Variants in RANBP2 observed in about 807,000 individuals in gnomAD.
RANBP2 encodes the protein RAN binding protein 2.
In RANBP2, 57 loss-of-function variants were observed where a neutral mutation model predicts 303.6. The ratio of observed to expected loss-of-function variants is 0.19; its 90% CI spans 0.15 to 0.23. The LOEUF (loss-of-function observed/expected upper bound fraction) is 0.23, where lower values mean the gene tolerates loss of function less well. Ranked by LOEUF, RANBP2 falls within the 10% of genes least tolerant of loss-of-function variation. The pLI, the probability that RANBP2 is intolerant of heterozygous loss-of-function variation, is 1.00. For missense variants in RANBP2, 3,138 were observed against 3,780.8 expected (o/e 0.83, Z 4.46); for synonymous variants, 1,167 against 1,301.5 (o/e 0.90, Z 2.23).
At chr2:108,750,112 C>T (rs181250680) in intron 9 of RANBP2, among the ~76,000 whole-genome samples, 191 of 152,354 alleles carry the variant, frequency 1.3e-3, no homozygotes, top group African/African-American at 4.5e-3. Context: ...CACTGCTGCA[C>T]GACAGCCTGG....
At chr2:109,542,388 G>C in the RANBP2 span, among the ~76,000 whole-genome samples, 7 of 152,186 alleles carry the variant, frequency 4.6e-5, no homozygotes, top group African/African-American at 1.7e-4. Flanking sequence ...GAGAGTCTCA[G>C]GCAGGTTTAT....
the RANBP2 span, among the ~76,000 whole-genome samples, chr2:109,078,096 A>ATATATATATAGCGTG: frequency 5.5e-5 from 3 of 54,652 alleles, no homozygotes; most frequent in African/African-American, 2.1e-4. Context: ...ATATATATAT[A>ATATATATATAGCGTG]TATATATATA....
the RANBP2 span, among the ~76,000 whole-genome samples, chr2:109,464,924 T>C: frequency 2.0e-5 from 3 of 152,238 alleles, no homozygotes; most frequent in Non-Finnish European, 4.4e-5. Flanking sequence ...TATAGTATCA[T>C]ACAGGATAGT....
the RANBP2 span, among the ~76,000 whole-genome samples, chr2:108,887,416 G>C: frequency 6.6e-6 from 1 of 152,080 alleles, no homozygotes; most frequent in African/African-American, 2.4e-5. Context: ...GAAAAGTGAT[G>C]TTGGTATTTT....
chr2:109,640,868 G>T, the RANBP2 span, among the ~76,000 whole-genome samples: 1 of 152,152 alleles, frequency 6.6e-6, no homozygotes, highest in Non-Finnish European at 1.5e-5. Context: ...CTGAGTGCCT[G>T]TCCACAACCC....
the RANBP2 span, among the ~76,000 whole-genome samples, chr2:109,671,442 T>A: frequency 6.6e-6 from 1 of 151,404 alleles, no homozygotes. Flanking sequence ...GAAGGGGGAG[T>A]AGGAGCTTCA....
the RANBP2 span, among the ~76,000 whole-genome samples, chr2:109,445,399 A>C: frequency 6.6e-6 from 1 of 152,254 alleles, no homozygotes; most frequent in African/African-American, 2.4e-5. Context: ...AACTTAAAGC[A>C]TCAAAGGATA....
the RANBP2 span, among the ~76,000 whole-genome samples, chr2:109,144,154 G>A: frequency 6.6e-6 from 1 of 152,294 alleles, no homozygotes; most frequent in African/African-American, 2.4e-5. Flanking sequence ...AACAATACTC[G>A]ATTATATACT....
chr2:108,787,365 C>G (rs867596680), downstream of RANBP2, among the ~76,000 whole-genome samples: 10 of 152,356 alleles, frequency 6.6e-5, no homozygotes, highest in African/African-American at 2.4e-4. Context: ...GTTCTCTCCC[C>G]TTCCCTCCCT....
At chr2:109,044,496 C>CT in the RANBP2 span, among the ~76,000 whole-genome samples, 2 of 151,912 alleles carry the variant, frequency 1.3e-5, no homozygotes, top group Non-Finnish European at 2.9e-5. Context: ...GCACTGCAGC[C>CT]TGGACGATAG....
At chr2:108,728,379 A>T (rs1026545362) in intron 1 of RANBP2, among the ~76,000 whole-genome samples, 1 of 152,094 alleles carries the variant, frequency 6.6e-6, no homozygotes, top group African/African-American at 2.4e-5. Flanking sequence ...CGGCAGTGTC[A>T]ACCTCCTGGG....
chr2:109,551,137 G>C, the RANBP2 span, among the ~76,000 whole-genome samples: 1 of 152,182 alleles, frequency 6.6e-6, no homozygotes, highest in African/African-American at 2.4e-5. Flanking sequence ...ACGATATTTG[G>C]AGACATCATT....
chr2:109,627,189 C>T, the RANBP2 span, among the ~76,000 whole-genome samples: 8,659 of 152,114 alleles, frequency 0.057, 690 homozygotes, highest in East Asian at 0.24. Flanking sequence ...AAAAACAAAA[C>T]AATTATTTGT....
At chr2:109,490,982 C>G in the RANBP2 span, 1 of 1,401,790 alleles carries the variant, frequency 7.1e-7, no homozygotes, top group East Asian at 2.6e-5. Flanking sequence ...GTGGTTTGGC[C>G]TCTGAGGTCT....
the RANBP2 span, among the ~76,000 whole-genome samples, chr2:109,136,315 A>G: frequency 6.6e-6 from 1 of 152,024 alleles, no homozygotes; most frequent in Non-Finnish European, 1.5e-5. Context: ...TTTTTATCAG[A>G]TTTGCCTTGC....
At chr2:109,570,439 T>C in the RANBP2 span, among the ~76,000 whole-genome samples, 1 of 152,220 alleles carries the variant, frequency 6.6e-6, no homozygotes, top group Admixed American at 6.5e-5. Flanking sequence ...AGGGGAAAAA[T>C]TTTTTTAATG....
chr2:108,781,487 C>T lies in RANBP2; in HGVS notation c.8760+58C>T, dbSNP rs1048568548. The T allele has an allele frequency of 7.2e-6, 11 of 1,537,674 alleles. No individual in the cohort carries two copies. In the Admixed American group the frequency reaches 1.0e-4, roughly 15 times the overall value. ...ACTTATTTTTCATTTTTAAGTTTTA[C>T]CCTGGCTTGATCTGTCAGGGTATAA... On this transcript the variant is annotated intron_variant, in intron 26 of 28. Coordinates refer to ENST00000283195, the MANE Select transcript of RANBP2 (RefSeq NM_006267.5).
chr2:109,218,500 TAGA>T, the RANBP2 span, among the ~76,000 whole-genome samples: 1 of 152,136 alleles, frequency 6.6e-6, no homozygotes, highest in Non-Finnish European at 1.5e-5. Context: ...TAGGCAGAAA[TAGA>T]AGAGCAGATG....
chr2:109,425,453 T>C, the RANBP2 span, among the ~76,000 whole-genome samples: 9 of 152,282 alleles, frequency 5.9e-5, no homozygotes, highest in East Asian at 1.5e-3. Flanking sequence ...AGAGGAGATA[T>C]CAAGGCCTGG....
Sources: allele counts gnomAD v4.1 joint callset (sites outside exome capture counted in the v4.1 genomes callset), GRCh38; gene constraint gnomAD v4.1.1; transcripts MANE v1.5; gene names NCBI Gene and HGNC (gene_info 2026-07-23, HGNC 2026-07-21).